Variants in LNPEP observed in about 807,000 individuals in gnomAD.
LNPEP encodes leucyl-cystinyl aminopeptidase.
Under a neutral mutation model 120.6 loss-of-function variants are expected in LNPEP, and 64 were observed. The ratio of observed to expected loss-of-function variants is 0.53; its 90% CI spans 0.43 to 0.65. The LOEUF (loss-of-function observed/expected upper bound fraction) is 0.65. LNPEP is among the 30% of genes least tolerant of loss of function. The pLI is 0.00. For missense variants in LNPEP, 1,057 were observed against 1,200.0 expected (o/e 0.88, Z 1.76); for synonymous variants, 435 against 425.4 (o/e 1.02, Z -0.28).
At chr5:97,021,723 A>ACAT (rs1220098391) in intron 13 of LNPEP, among the ~76,000 whole-genome samples, 1 of 152,082 alleles carries the variant, frequency 6.6e-6, no homozygotes, top group Non-Finnish European at 1.5e-5. Context: ...TTCTGAGTTA[A>ACAT]CATCACTAAA....
chr5:96,998,281 T>C (rs553918548), intron 8 of LNPEP, 136 bp downstream of exon 8: 6 of 715,760 alleles, frequency 8.4e-6, no homozygotes, highest in Non-Finnish European at 1.3e-5. Flanking sequence ...ATAAAATGTT[T>C]GCTTCTGTAT....
chr5:96,978,502 G>A (rs1446615307), intron 1 of LNPEP, among the ~76,000 whole-genome samples: 1 of 152,194 alleles, frequency 6.6e-6, no homozygotes, highest in Admixed American at 6.5e-5. Context: ...CCCATTTGCT[G>A]TGGGACAGAA....
rs372429136 is a variant in LNPEP at position 96,990,918 on chromosome 5, T to G, written c.1132-2097T>G. Among the ~76,000 whole-genome samples, 4 of 152,202 alleles carry G rather than the reference T, an allele frequency of 2.6e-5. No homozygotes were observed. In the East Asian group the frequency reaches 5.8e-4, roughly 22 times the overall value. ...AGAAATTGTTGACAGTTTTTTGCTT[T>G]ATTTTAAGAGGTTTTTGGGGAACAG... On this transcript the variant is annotated intron_variant, in intron 4 of 17. Transcript: ENST00000231368.
chr5:97,012,127 A>G (rs1295985233), intron 11 of LNPEP, among the ~76,000 whole-genome samples: 1 of 152,184 alleles, frequency 6.6e-6, no homozygotes, highest in Admixed American at 6.5e-5. Context: ...AAATTGTTCA[A>G]AATAGATTGG....
At position 96,936,194 on chromosome 5, in the gene LNPEP, G is replaced by C. The variant is rs1399864357; in HGVS notation, c.19+20G>C. 3.5e-6 allele frequency: 5 copies of C among 1,435,584 alleles called. No homozygotes were observed. Among genetic ancestry groups the C allele is most frequent in the Non-Finnish European group, 4.6e-6 (5 of 1,096,266 alleles). The allele number at this position is 1,435,584 out of a possible 1,614,324, so 88.9% of individuals were successfully genotyped here. On this transcript the variant is annotated intron_variant, in intron 1 of 17. Transcript: ENST00000231368. ...CCAATGGTGAGTGGGCTGCCGAGGCGCCGGGACCCGGGCTCTCCGGAGCCC... is the reference window on the plus strand; with the variant it reads ...CCAATGGTGAGTGGGCTGCCGAGGCCCCGGGACCCGGGCTCTCCGGAGCCC...
intron 1 of LNPEP, among the ~76,000 whole-genome samples, chr5:96,977,296 A>G: frequency 6.6e-6 from 1 of 152,020 alleles, no homozygotes; most frequent in East Asian, 1.9e-4. Flanking sequence ...TGAGGTACGG[A>G]ATACCAGGTG....
chr5:97,008,106 G>A (rs929516542), intron 11 of LNPEP, among the ~76,000 whole-genome samples: 7 of 152,060 alleles, frequency 4.6e-5, no homozygotes, highest in African/African-American at 9.7e-5. Flanking sequence ...TGAATGAGCC[G>A]TAAAAGGATA....
At chr5:96,959,111 G>A (rs1210081656) in intron 1 of LNPEP, among the ~76,000 whole-genome samples, 2 of 152,108 alleles carry the variant, frequency 1.3e-5, no homozygotes, top group Non-Finnish European at 2.9e-5. Context: ...AAGGACCCCT[G>A]TGATTGTATT....
At chr5:96,992,646 A>C (rs1790418030) in intron 4 of LNPEP, among the ~76,000 whole-genome samples, 1 of 152,126 alleles carries the variant, frequency 6.6e-6, no homozygotes, top group Non-Finnish European at 1.5e-5. Flanking sequence ...TTTACCTCAT[A>C]AGTAAGGAAG....
At chr5:96,981,176 A>G (rs1215899581) in intron 2 of LNPEP, among the ~76,000 whole-genome samples, 1 of 152,204 alleles carries the variant, frequency 6.6e-6, no homozygotes, top group African/African-American at 2.4e-5. Flanking sequence ...ATCATACCTC[A>G]GAGAAGAAAA....
intron 4 of LNPEP, among the ~76,000 whole-genome samples, chr5:96,988,782 G>GT (rs1000689168): frequency 2.0e-5 from 3 of 151,390 alleles, no homozygotes; most frequent in African/African-American, 7.3e-5. Context: ...GTTTTGTTTT[G>GT]TTTTTTTAAT....
At position 97,037,306 on chromosome 5, in the gene LNPEP, C is replaced by G. The variant is rs1456635815; in HGVS notation, c.*8773C>G. 1 of 152,066 alleles carries G rather than the reference C, an allele frequency of 6.6e-6. No homozygotes were observed. Among genetic ancestry groups the G allele is most frequent in the African/African-American group, 2.4e-5 (1 of 41,414 alleles). The allele number at this position is 152,066 out of a possible 1,614,324, so 9.4% of individuals were successfully genotyped here. On this transcript the variant is annotated 3_prime_UTR_variant, in exon 18 of 18. Coordinates refer to ENST00000231368, the MANE Select transcript of LNPEP (RefSeq NM_005575.3). ...TGGAATTCTAAATTTGTATCATAAT[C>G]TGTCTTTTGTGAAACATTTTGAAAA...
chr5:96,938,023 C>G (rs1436478560), intron 1 of LNPEP, among the ~76,000 whole-genome samples: 6 of 151,708 alleles, frequency 4.0e-5, no homozygotes, highest in Non-Finnish European at 4.4e-5. Context: ...ATTTAGCATC[C>G]TTTTACAAGG....
chr5:97,006,202 A>G lies in LNPEP; in HGVS notation c.1915A>G (p.Met639Val), dbSNP rs1274327721. 2 of 1,604,382 alleles carry G rather than the reference A, an allele frequency of 1.2e-6. No homozygotes were observed. Among genetic ancestry groups the G allele is most frequent in the South Asian group, 2.3e-5 (2 of 88,874 alleles). ...ACAACAAGAGAGATTCTTTTTAAATATGAAGCCTGAAATTCAGCCTTCAGA... is the reference window on the plus strand; with the variant it reads ...ACAACAAGAGAGATTCTTTTTAAATGTGAAGCCTGAAATTCAGCCTTCAGA... ...FIQQERFFLN[M>V]KPEIQPSDTS... Residue 639 changes from methionine to valine, a missense_variant, in exon 10 of 18, where the codon ATG (methionine) becomes GTG (valine). By Grantham distance (21) the Met-to-Val change is conservative. Coordinates refer to ENST00000231368, the MANE Select transcript of LNPEP (RefSeq NM_005575.3).
At chr5:97,010,357 G>A (rs1790896636) in intron 11 of LNPEP, 1 of 983,922 alleles carries the variant, frequency 1.0e-6, no homozygotes. Flanking sequence ...GGAAGAAAAG[G>A]TAATTAGGAT....
chr5:96,939,640 A>G (rs79503692), intron 1 of LNPEP, among the ~76,000 whole-genome samples: 2,479 of 152,172 alleles, frequency 0.016, 51 homozygotes, highest in South Asian at 0.088. Context: ...CCTATGAATC[A>G]CTTTTATTAC....
chr5:97,000,879 TGA>T (rs1301533179), intron 8 of LNPEP, among the ~76,000 whole-genome samples: 2 of 152,048 alleles, frequency 1.3e-5, no homozygotes, highest in East Asian at 3.9e-4. Flanking sequence ...GATATGAGAT[TGA>T]GAGAGATACG....
chr5:97,009,464 T>A (rs1790873155), intron 11 of LNPEP, among the ~76,000 whole-genome samples: 1 of 152,280 alleles, frequency 6.6e-6, no homozygotes, highest in Non-Finnish European at 1.5e-5. Context: ...TAAATTTTAG[T>A]CCATAATGAA....
At chr5:97,023,430 A>G (rs906937814) in intron 14 of LNPEP, among the ~76,000 whole-genome samples, 2 of 151,622 alleles carry the variant, frequency 1.3e-5, no homozygotes, top group African/African-American at 4.8e-5. Context: ...ATTTTTGTAT[A>G]TTTAGTAGAG....
Sources: allele counts gnomAD v4.1 joint callset (sites outside exome capture counted in the v4.1 genomes callset), GRCh38; gene constraint gnomAD v4.1.1; transcripts MANE v1.5; gene names NCBI Gene and HGNC (gene_info 2026-07-23, HGNC 2026-07-21).